The following TBCK variants were observed in gnomAD, a reference collection of about 807,000 sequenced individuals.
TBCK encodes the protein TBC1 domain containing kinase.
A neutral mutation model predicts 113.4 loss-of-function variants in TBCK; 99 were observed. The ratio of observed to expected loss-of-function variants is 0.87; its 90% CI spans 0.74 to 1.03. The LOEUF (loss-of-function observed/expected upper bound fraction) is 1.03. Among genes scored for constraint, TBCK ranks in the 50% least tolerant of loss-of-function variants. The probability of loss-of-function intolerance (pLI) is 0.00; values close to 1 mark genes in which losing one functional copy is unlikely to be tolerated. For synonymous variants in TBCK, 369 were observed against 370.8 expected, an observed-to-expected ratio of 1.00 and a Z score of 0.05; for missense variants, 1,045 against 1,061.3, an observed-to-expected ratio of 0.98 and a Z score of 0.21.
At chr4:106,112,861 G>A (rs1252184949) in intron 24 of TBCK, among the ~76,000 whole-genome samples, 2 of 152,088 alleles carry the variant, frequency 1.3e-5, no homozygotes, top group Non-Finnish European at 2.9e-5. Flanking sequence ...AAACTTATCT[G>A]AACAATTTCA....
chr4:106,145,923 G>C (rs1485181881), intron 23 of TBCK, among the ~76,000 whole-genome samples: 1 of 152,142 alleles, frequency 6.6e-6, no homozygotes, highest in Non-Finnish European at 1.5e-5. Flanking sequence ...TAGAGAAAAG[G>C]GAACACTTAC....
intron 1 of TBCK, among the ~76,000 whole-genome samples, chr4:106,313,197 C>G (rs1397339110): frequency 6.6e-6 from 1 of 152,118 alleles, no homozygotes; most frequent in African/African-American, 2.4e-5. Context: ...ACTGATTCTG[C>G]TATCAACAAG....
At chr4:106,094,727 G>C (rs1271880579) in intron 25 of TBCK, among the ~76,000 whole-genome samples, 1 of 152,128 alleles carries the variant, frequency 6.6e-6, no homozygotes, top group African/African-American at 2.4e-5. Flanking sequence ...ATTTGGGAAG[G>C]CTCAGTCCTG....
At chr4:106,101,970 A>G (rs912111762) in intron 24 of TBCK, among the ~76,000 whole-genome samples, 1 of 152,182 alleles carries the variant, frequency 6.6e-6, no homozygotes, top group Non-Finnish European at 1.5e-5. Context: ...ATAAAATGCA[A>G]TTTTTGTTTG....
At chr4:106,314,081 T>C (rs1055850914) in intron 1 of TBCK, among the ~76,000 whole-genome samples, 1 of 152,170 alleles carries the variant, frequency 6.6e-6, no homozygotes, top group African/African-American at 2.4e-5. Context: ...GTAAACATTT[T>C]ATTTTTTTTA....
At chr4:106,120,584 G>A (rs1744194838) in intron 23 of TBCK, among the ~76,000 whole-genome samples, 1 of 152,204 alleles carries the variant, frequency 6.6e-6, no homozygotes. Flanking sequence ...GCTTTGAAGA[G>A]AGCAGTGGTT....
At chr4:106,181,079 G>GTA (rs1752316570) in intron 22 of TBCK, among the ~76,000 whole-genome samples, 1 of 151,996 alleles carries the variant, frequency 6.6e-6, no homozygotes, top group African/African-American at 2.4e-5. Flanking sequence ...GTGTGAGATG[G>GTA]TCTCATTGTG....
At chr4:106,310,151 T>C (rs1768037669) in intron 1 of TBCK, among the ~76,000 whole-genome samples, 1 of 152,094 alleles carries the variant, frequency 6.6e-6, no homozygotes. Flanking sequence ...GAATTCCAAT[T>C]CAATAAATCC....
At chr4:106,197,988 A>G (rs2149830261) in intron 20 of TBCK, among the ~76,000 whole-genome samples, 1 of 152,208 alleles carries the variant, frequency 6.6e-6, no homozygotes, top group East Asian at 1.9e-4. Context: ...CCTTTAGCCA[A>G]ATTGATTTTT....
At chr4:106,215,014 C>T (rs1195423463) in intron 19 of TBCK, among the ~76,000 whole-genome samples, 2 of 150,502 alleles carry the variant, frequency 1.3e-5, no homozygotes, top group African/African-American at 2.5e-5. Flanking sequence ...AACAGCGGAT[C>T]TCTCGGCAGA....
At position 106,116,311 on chromosome 4, in the gene TBCK, A is replaced by G. The variant is rs1478087079; in HGVS notation, c.2303T>C (p.Leu768Pro). The change falls in exon 24 of 26, where the codon CTG becomes CCG. Residue 768 changes from leucine (L) to proline (P), a missense_variant. Leu to Pro is a moderately conservative substitution (Grantham distance 98). Coordinates refer to ENST00000394708, the MANE Select transcript of TBCK (RefSeq NM_001163435.3). ...EVSPRISAEDLIDLCELTVTG... is the reference protein window; with the variant it reads ...EVSPRISAEDPIDLCELTVTG... ...CACTGTGAGCTCACACAAGTCAATC[A>G]GGTCCTCTGCTGAAATCCGTGGTGA... 1 of 1,614,008 alleles carries G rather than the reference A, an allele frequency of 6.2e-7. No individual in the cohort carries two copies. The highest frequency in any genetic ancestry group is 1.1e-5 in the South Asian group (1 of 91,062).
At chr4:106,095,443 CTCA>C (rs759300078) in intron 25 of TBCK, 36 bp downstream of exon 25, 2 of 1,546,264 alleles carry the variant, frequency 1.3e-6, no homozygotes, top group South Asian at 2.4e-5. Flanking sequence ...AGGTAAATCA[CTCA>C]TCATATGTAC....
intron 17 of TBCK, among the ~76,000 whole-genome samples, chr4:106,232,110 A>G (rs1758919147): frequency 6.6e-6 from 1 of 151,792 alleles, no homozygotes; most frequent in Non-Finnish European, 1.5e-5. Context: ...ATTACTTAAC[A>G]TCTTCTGGCA....
At chr4:106,138,667 G>GT (rs1486807587) in intron 23 of TBCK, among the ~76,000 whole-genome samples, 1 of 141,080 alleles carries the variant, frequency 7.1e-6, no homozygotes, top group African/African-American at 2.5e-5. Flanking sequence ...GGTGGTGTTG[G>GT]TGTTGGTGTT....
intron 2 of TBCK, among the ~76,000 whole-genome samples, chr4:106,306,387 G>A (rs377598075): frequency 1.5e-4 from 23 of 151,930 alleles, no homozygotes; most frequent in African/African-American, 4.1e-4. Flanking sequence ...GCTTGGCCTT[G>A]ATATTCTTCA....
intron 3 of TBCK, among the ~76,000 whole-genome samples, chr4:106,282,963 G>C (rs1254037144): frequency 6.6e-6 from 1 of 152,064 alleles, no homozygotes; most frequent in Non-Finnish European, 1.5e-5. Flanking sequence ...TCAGCTTAGA[G>C]AAGAATTCTT....
intron 23 of TBCK, among the ~76,000 whole-genome samples, chr4:106,165,124 AG>A (rs1750219349): frequency 6.6e-6 from 1 of 151,832 alleles, no homozygotes; most frequent in African/African-American, 2.4e-5. Flanking sequence ...AATTTAACAA[AG>A]AAATAGATTT....
chr4:106,056,682 G>A (rs968354107), intron 25 of TBCK, among the ~76,000 whole-genome samples: 5 of 151,364 alleles, frequency 3.3e-5, no homozygotes, highest in African/African-American at 1.2e-4. Flanking sequence ...CTGACTGGTG[G>A]TAACATTATG....
chr4:106,316,631 C>T, upstream of TBCK: 6 of 1,547,292 alleles, frequency 3.9e-6, no homozygotes, highest in Non-Finnish European at 5.2e-6. Flanking sequence ...ACTCGGGGAT[C>T]GCCGATTGCG....
Sources: allele counts gnomAD v4.1 joint callset (sites outside exome capture counted in the v4.1 genomes callset), GRCh38; gene constraint gnomAD v4.1.1; transcripts MANE v1.5; gene names NCBI Gene and HGNC (gene_info 2026-07-23, HGNC 2026-07-21).